The following COPG2 variants were observed in gnomAD, a reference collection of about 807,000 sequenced individuals.
COPG2 encodes coat protein complex I subunit gamma 2, also known as coatomer subunit gamma-2.
In COPG2, 37 loss-of-function variants were observed where a neutral mutation model predicts 46.3. The ratio of observed to expected loss-of-function variants is 0.80; its 90% confidence interval spans 0.61 to 1.05. The LOEUF is 1.05. Ranked by LOEUF, COPG2 falls within the 50% of genes least tolerant of loss-of-function variation. The probability of loss-of-function intolerance (pLI) is 0.00; values close to 1 mark genes in which losing one functional copy is unlikely to be tolerated. For synonymous variants in COPG2, 159 were observed against 129.7 expected, an observed-to-expected ratio of 1.23 and a Z score of -1.53; for missense variants, 427 against 387.8, an observed-to-expected ratio of 1.10 and a Z score of -0.85.
At chr7:130,549,275 G>C in intron 18 of COPG2, 39 bp downstream of exon 18, 1 of 398,418 alleles carries the variant, frequency 2.5e-6, no homozygotes. Flanking sequence ...ACAATGCCTA[G>C]GGGAAAGATT....
intron 12 of COPG2, among the ~76,000 whole-genome samples, chr7:130,560,303 CTAGAG>C (rs1286246705): frequency 3.3e-5 from 5 of 151,942 alleles, no homozygotes; most frequent in African/African-American, 1.2e-4. Context: ...TGCAAGACCT[CTAGAG>C]TAAACACTAC....
At chr7:130,521,373 G>C (rs1799721769) in intron 20 of COPG2, among the ~76,000 whole-genome samples, 1 of 152,152 alleles carries the variant, frequency 6.6e-6, no homozygotes, top group Admixed American at 6.5e-5. Flanking sequence ...AACAAACAGA[G>C]AACTAAAGCA....
intron 9 of COPG2, chr7:130,607,598 G>A (rs927684405): frequency 4.8e-5 from 22 of 459,534 alleles, no homozygotes; most frequent in Non-Finnish European, 8.2e-5. Context: ...ACTGCTTTTG[G>A]CAGGTCTCCT....
At chr7:130,653,064 T>TCTCGGCCGGGCGCGGTGG in intron 4 of COPG2, 116 bp from the exon 5 acceptor site, 1 of 645,348 alleles carries the variant, frequency 1.5e-6, no homozygotes, top group African/African-American at 2.0e-5. Flanking sequence ...TTTAAAAGAG[T>TCTCGGCCGGGCGCGGTGG]CTCATCTACC....
At chr7:130,518,921 G>A (rs1799701498) in intron 20 of COPG2, among the ~76,000 whole-genome samples, 1 of 150,214 alleles carries the variant, frequency 6.7e-6, no homozygotes, top group Admixed American at 6.7e-5. Flanking sequence ...CAGGAAAACT[G>A]CTTGAACCCC....
rs547699997 is a variant in COPG2, at chr7:130,575,219, T to C, written c.738-10826A>G. On this transcript the variant is annotated intron_variant, in intron 9 of 23. Transcript: ENST00000425248. ...GCACAAAGAACACCTGGGAAATTCA[T>C]TGCAAAAGGATCATCACTTAGGCAC... 8.5e-5 allele frequency among the ~76,000 whole-genome samples: 13 copies of C among 152,282 alleles called. No homozygotes were observed. The South Asian group carries it at 2.5e-3, about 29-fold the overall frequency.
intron 20 of COPG2, 28 bp downstream of exon 20, chr7:130,547,646 G>GT (rs1445202955): frequency 5.0e-6 from 2 of 398,402 alleles, no homozygotes; most frequent in African/African-American, 2.1e-5. Context: ...TCTGAATCAC[G>GT]TATCTCCTCC....
At chr7:130,624,008 C>A (rs1795078852) in intron 5 of COPG2, among the ~76,000 whole-genome samples, 1 of 152,024 alleles carries the variant, frequency 6.6e-6, no homozygotes, top group South Asian at 2.1e-4. Flanking sequence ...TCTAGGAAGT[C>A]CCAGATCAAG....
At chr7:130,547,464 CAG>C (rs1189983428) in intron 20 of COPG2, 3 of 387,628 alleles carry the variant, frequency 7.7e-6, no homozygotes, top group East Asian at 7.3e-5. Context: ...AAATTTTACT[CAG>C]AGATTTAGTT....
chr7:130,525,306 T>C (rs1799763054), intron 20 of COPG2, among the ~76,000 whole-genome samples: 1 of 152,130 alleles, frequency 6.6e-6, no homozygotes, highest in Non-Finnish European at 1.5e-5. Context: ...ATGTGAAAAG[T>C]TGGTTTCATG....
chr7:130,606,301 A>C (rs1794728619), intron 9 of COPG2, among the ~76,000 whole-genome samples: 1 of 151,810 alleles, frequency 6.6e-6, no homozygotes, highest in Admixed American at 6.6e-5. Context: ...AGAGAGAAAG[A>C]AAAGAAAGAA....
At chr7:130,637,991 G>A (rs1201627269) in intron 5 of COPG2, among the ~76,000 whole-genome samples, 1 of 152,170 alleles carries the variant, frequency 6.6e-6, no homozygotes, top group Non-Finnish European at 1.5e-5. Flanking sequence ...CTCTGCTGCA[G>A]GTCTGCTGGA....
chr7:130,511,659 T>C (rs950424645), intron 20 of COPG2: 1 of 514,694 alleles, frequency 1.9e-6, no homozygotes, highest in East Asian at 5.5e-5. Flanking sequence ...TAAGAGAGTA[T>C]GAAATAAGAG....
chr7:130,577,982 G>T (rs1554446551), intron 9 of COPG2, among the ~76,000 whole-genome samples: 1 of 152,226 alleles, frequency 6.6e-6, no homozygotes, highest in African/African-American at 2.4e-5. Flanking sequence ...AGCTCCAACT[G>T]GGTGGAGCCC....
At chr7:130,557,455 A>C (rs1350249601) in intron 12 of COPG2, among the ~76,000 whole-genome samples, 1 of 152,162 alleles carries the variant, frequency 6.6e-6, no homozygotes, top group Non-Finnish European at 1.5e-5. Flanking sequence ...ATCCCAACAG[A>C]AAATGTCAAC....
At chr7:130,619,704 T>C (rs2116519437) in intron 5 of COPG2, among the ~76,000 whole-genome samples, 1 of 152,342 alleles carries the variant, frequency 6.6e-6, no homozygotes, top group Non-Finnish European at 1.5e-5. Context: ...ATAACTTCAA[T>C]GCTTAATTTT....
In COPG2 at chr7:130,506,745, C is replaced by CACTCCATCGGCTAAGGCCAGCCTGGA; in HGVS notation, c.2521_2546dup (p.Thr850ProfsTer5). Reference sequence around the variant, plus strand: ...TACTTCTGACAGTCACCTGCATGGTCACTCCATCGGCTAAGGCCAGCCTGG... The same window carrying CACTCCATCGGCTAAGGCCAGCCTGGA: ...TACTTCTGACAGTCACCTGCATGGTCACTCCATCGGCTAAGGCCAGCCTGGAACTCCATCGGCTAAGGCCAGCCTGG... On this transcript the variant is annotated stop_gained and frameshift_variant, in exon 24 of 24. Coordinates refer to ENST00000425248, the MANE Select transcript of COPG2 (RefSeq NM_012133.6). LOFTEE classifies it high-confidence loss of function. The CACTCCATCGGCTAAGGCCAGCCTGGA allele has an allele frequency of 1.3e-6, 1 of 780,598 alleles. No homozygotes were observed. The highest frequency in any genetic ancestry group is 2.4e-6 in the Non-Finnish European group (1 of 417,788). The allele number at this position is 780,598 out of a possible 1,614,324, so 48.4% of individuals were successfully genotyped here.
intron 20 of COPG2, among the ~76,000 whole-genome samples, chr7:130,514,762 G>A (rs1055090894): frequency 6.6e-6 from 1 of 152,104 alleles, no homozygotes; most frequent in Non-Finnish European, 1.5e-5. Context: ...ACATGAAGAG[G>A]GGTTAAAGCT....
intron 20 of COPG2, among the ~76,000 whole-genome samples, chr7:130,530,753 A>G (rs1170998839): frequency 2.0e-5 from 3 of 151,960 alleles, no homozygotes; most frequent in African/African-American, 7.2e-5. Context: ...CAGGGGAGTC[A>G]CCTACAGAAG....
Sources: allele counts gnomAD v4.1 joint callset (sites outside exome capture counted in the v4.1 genomes callset), GRCh38; gene constraint gnomAD v4.1.1; transcripts MANE v1.5; gene names NCBI Gene and HGNC (gene_info 2026-07-23, HGNC 2026-07-21).